Variants in HUNK observed in about 807,000 individuals in gnomAD.
HUNK encodes the protein hormonally up-regulated Neu-associated kinase, also known as hormonally up-regulated neu tumor-associated kinase.
In HUNK, 21 loss-of-function variants were observed where a neutral mutation model predicts 61.0. That is an observed-to-expected ratio of 0.34 (90% CI 0.24 to 0.50). HUNK has a LOEUF of 0.50. Ranked by LOEUF, HUNK falls within the 20% of genes least tolerant of loss-of-function variation. The pLI is 0.98. For synonymous variants in HUNK, 371 were observed against 386.1 expected, an observed-to-expected ratio of 0.96 and a Z score of 0.46; for missense variants, 772 against 945.7, an observed-to-expected ratio of 0.82 and a Z score of 2.41.
chr21:31,883,102 G>C (rs2052320900), intron 1 of HUNK, among the ~76,000 whole-genome samples: 1 of 151,716 alleles, frequency 6.6e-6, no homozygotes, highest in Admixed American at 6.6e-5. Flanking sequence ...ACCCCTCAGT[G>C]TATCTGAGGG....
In HUNK at chr21:31,999,916, A is replaced by AT. The variant is rs2053234936; in HGVS notation, c.*738dup. On this transcript the variant is annotated 3_prime_UTR_variant, in exon 11 of 11. Coordinates refer to ENST00000270112, the MANE Select transcript of HUNK (RefSeq NM_014586.2). ...GATGTCGGTAAATTGAAATAACATA[A>AT]TTTTTTAAAACTTGGATGGAGAGAT... 2.7e-6 allele frequency: 1 copy of AT among 375,716 alleles called. No homozygotes were observed. The highest frequency in any genetic ancestry group is 4.7e-6 in the Non-Finnish European group (1 of 212,094). The allele number at this position is 375,716 out of a possible 1,614,324, so 23.3% of individuals were successfully genotyped here.
chr21:31,977,353 C>A (rs1255492948), intron 7 of HUNK, among the ~76,000 whole-genome samples: 1 of 152,116 alleles, frequency 6.6e-6, no homozygotes, highest in Non-Finnish European at 1.5e-5. Flanking sequence ...CACTGGTAAT[C>A]TTTTTCAGGT....
intron 4 of HUNK, among the ~76,000 whole-genome samples, chr21:31,949,074 G>T (rs979462128): frequency 6.6e-6 from 1 of 152,272 alleles, no homozygotes; most frequent in Non-Finnish European, 1.5e-5. Flanking sequence ...ACGGATAGAA[G>T]AGAGTGGTGA....
intron 2 of HUNK, among the ~76,000 whole-genome samples, chr21:31,925,360 G>A (rs2052652864): frequency 6.6e-6 from 1 of 152,162 alleles, no homozygotes; most frequent in East Asian, 1.9e-4. Flanking sequence ...GTTAATATAT[G>A]GGAAGAGCTT....
At chr21:31,992,150 C>T (rs1253657310) in intron 9 of HUNK, among the ~76,000 whole-genome samples, 4 of 152,134 alleles carry the variant, frequency 2.6e-5, no homozygotes, top group Non-Finnish European at 5.9e-5. Context: ...AAGAAGGGGG[C>T]GCTATGGGTC....
At chr21:31,992,891 A>G (rs2053180664) in intron 9 of HUNK, among the ~76,000 whole-genome samples, 1 of 152,168 alleles carries the variant, frequency 6.6e-6, no homozygotes, top group Non-Finnish European at 1.5e-5. Flanking sequence ...TTCTGCGTGG[A>G]CTGACTCTGA....
chr21:31,982,573 G>T (rs913744500), intron 7 of HUNK, among the ~76,000 whole-genome samples: 1 of 152,208 alleles, frequency 6.6e-6, no homozygotes, highest in African/African-American at 2.4e-5. Context: ...AAGATAGAGA[G>T]CCTGTAAGGG....
rs569149783 is a variant in HUNK, at chr21:31,904,484, G to C, written c.262-19984G>C. ...CAGCGATAGGCTTATTTGCAGAAAA[G>C]TTAATAGCTTAAAATCGTATTTAGA... On this transcript the variant is annotated intron_variant, in intron 1 of 10. Coordinates refer to ENST00000270112, the MANE Select transcript of HUNK (RefSeq NM_014586.2). Among the ~76,000 whole-genome samples, 3 of 152,288 alleles carry C rather than the reference G, an allele frequency of 2.0e-5. No individual in the cohort carries two copies. The South Asian group carries it at 6.2e-4, about 32-fold the overall frequency.
intron 8 of HUNK, among the ~76,000 whole-genome samples, chr21:31,984,373 G>A (rs374491131): frequency 6.8e-4 from 103 of 152,024 alleles, no homozygotes; most frequent in African/African-American, 2.0e-3. Context: ...ATGATTATGC[G>A]TCAACTAAAA....
Position 31,995,794 on chromosome 21 carries a change from A to G in HUNK, c.1332A>G (p.Lys444=), listed in dbSNP as rs796274193. 3 of 1,614,132 alleles carry G rather than the reference A, an allele frequency of 1.9e-6. No homozygotes were observed. The African/African-American group carries it at 4.0e-5, about 22-fold the overall frequency. The change falls in exon 10 of 11, where the codon AAA becomes AAG. Residue 444 remains lysine, a synonymous_variant. Coordinates refer to ENST00000270112, the MANE Select transcript of HUNK (RefSeq NM_014586.2). ...ATAAAAAGCCCAAAGAACAAGAAAAAAGAGGGGATTTTCTTCATCGACCAT... is the reference window on the plus strand; with the variant it reads ...ATAAAAAGCCCAAAGAACAAGAAAAGAGAGGGGATTTTCTTCATCGACCAT... ...VQDKKPKEQE[K]RGDFLHRPFS...
At chr21:31,947,632 G>A (rs2052818556) in intron 4 of HUNK, among the ~76,000 whole-genome samples, 1 of 152,190 alleles carries the variant, frequency 6.6e-6, no homozygotes, top group Non-Finnish European at 1.5e-5. Flanking sequence ...TACAGGAAGG[G>A]CCACCAGGGG....
At chr21:31,963,249 A>G (rs896257008) in intron 5 of HUNK, among the ~76,000 whole-genome samples, 32 of 152,174 alleles carry the variant, frequency 2.1e-4, no homozygotes, top group African/African-American at 7.7e-4. Context: ...CCAGTGAGGA[A>G]ATTGAGTCTC....
Position 31,992,043 on chromosome 21 carries a change from T to C in HUNK, c.1305+1867T>C, listed in dbSNP as rs565208853. Among the ~76,000 whole-genome samples, 3 of 152,342 alleles carry C rather than the reference T, an allele frequency of 2.0e-5. No individual in the cohort carries two copies. The South Asian group carries it at 6.2e-4, about 32-fold the overall frequency. Reference sequence around the variant, plus strand: ...TTGCCCAAGGTTACCCAACACATTATGGAGAGAGCGAGGAATGGACTCCAG... The same window carrying C: ...TTGCCCAAGGTTACCCAACACATTACGGAGAGAGCGAGGAATGGACTCCAG... On this transcript the variant is annotated intron_variant, in intron 9 of 10. Transcript: ENST00000270112.
intron 4 of HUNK, among the ~76,000 whole-genome samples, chr21:31,953,559 C>T (rs762097714): frequency 3.3e-5 from 5 of 152,150 alleles, no homozygotes; most frequent in Non-Finnish European, 7.4e-5. Flanking sequence ...TTTGGCAATA[C>T]AGTACAAATA....
At chr21:31,998,422 G>A in intron 10 of HUNK, 104 bp from the exon 11 acceptor site, 1 of 1,135,440 alleles carries the variant, frequency 8.8e-7, no homozygotes. Context: ...TTCTGACCTT[G>A]GCGGGAACTG....
intron 3 of HUNK, among the ~76,000 whole-genome samples, chr21:31,942,330 G>T (rs1451651998): frequency 6.6e-6 from 1 of 152,144 alleles, no homozygotes; most frequent in Non-Finnish European, 1.5e-5. Flanking sequence ...TCTGTGCTTG[G>T]TCTCTCTGCT....
chr21:31,947,338 C>T (rs1013976375), intron 4 of HUNK, among the ~76,000 whole-genome samples: 5 of 145,380 alleles, frequency 3.4e-5, no homozygotes, highest in African/African-American at 7.9e-5. Context: ...AAGCCAGTGG[C>T]GCCTGCGCAT....
chr21:31,948,594 A>G (rs1160404210), intron 4 of HUNK, among the ~76,000 whole-genome samples: 2 of 152,012 alleles, frequency 1.3e-5, no homozygotes, highest in Admixed American at 6.6e-5. Context: ...ACTTGGAGGA[A>G]GGGAGGGAGG....
Position 31,873,535 on chromosome 21 carries a change from C to A in HUNK, c.-140C>A. On this transcript the variant is annotated 5_prime_UTR_variant, in exon 1 of 11. Coordinates refer to ENST00000270112, the MANE Select transcript of HUNK (RefSeq NM_014586.2). This position sits in a 1 kb window ranked among gnomAD's most constrained non-coding sequence, Gnocchi z 6.1. The stretch of plus-strand genomic sequence containing the variant: ...GCGCGGGGGGCGTGATCGCGGCGGC[C>A]CCGGGCTCTGGGTGCGGAGACCCAG... 1.6e-6 allele frequency: 1 copy of A among 640,010 alleles called. No homozygotes were observed. The highest frequency in any genetic ancestry group is 1.9e-6 in the Non-Finnish European group (1 of 514,140). The allele number at this position is 640,010 out of a possible 1,614,324, so 39.6% of individuals were successfully genotyped here. A position where few individuals can be genotyped will look rare whatever the true frequency, so the allele number is the denominator to read the frequency against.
Sources: allele counts gnomAD v4.1 joint callset (sites outside exome capture counted in the v4.1 genomes callset), GRCh38; gene constraint gnomAD v4.1.1; non-coding constraint Gnocchi (gnomAD v3.1); transcripts MANE v1.5; gene names NCBI Gene and HGNC (gene_info 2026-07-23, HGNC 2026-07-21).